Variants in DPP6 observed in about 807,000 individuals in gnomAD.
DPP6 encodes the protein dipeptidyl peptidase like 6, also known as A-type potassium channel modulatory protein DPP6.
In DPP6, 69 loss-of-function variants were observed where a neutral mutation model predicts 122.6. The observed-to-expected ratio is 0.56, with a 90% CI of 0.46 to 0.69. The LOEUF (loss-of-function observed/expected upper bound fraction) is 0.69, where lower values mean the gene tolerates loss of function less well. DPP6 is among the 30% of genes least tolerant of loss of function. The probability of loss-of-function intolerance (pLI) is 0.00; values close to 1 mark genes in which losing one functional copy is unlikely to be tolerated. For synonymous variants in DPP6, 418 were observed against 433.1 expected, an observed-to-expected ratio of 0.97 and a Z score of 0.43; for missense variants, 928 against 1,116.9, an observed-to-expected ratio of 0.83 and a Z score of 2.41.
At chr7:153,893,538 G>A (rs1799292139) in intron 1 of DPP6, among the ~76,000 whole-genome samples, 1 of 152,206 alleles carries the variant, frequency 6.6e-6, no homozygotes, top group African/African-American at 2.4e-5. Flanking sequence ...GAACGTTTAA[G>A]AACTCCTTCA....
chr7:154,012,695 T>A (rs1179775114), intron 1 of DPP6, among the ~76,000 whole-genome samples: 1 of 152,174 alleles, frequency 6.6e-6, no homozygotes, highest in Non-Finnish European at 1.5e-5. Context: ...CAGTTCACAA[T>A]GGCTGTTGTA....
At chr7:154,879,960 C>T (rs73487856) in intron 20 of DPP6, among the ~76,000 whole-genome samples, 3,111 of 152,340 alleles carry the variant, frequency 0.02, 96 homozygotes, top group African/African-American at 0.072. Flanking sequence ...GTTCATCTGA[C>T]TTTCATTTTC....
At chr7:154,798,454 C>T (rs943545492) in intron 12 of DPP6, among the ~76,000 whole-genome samples, 1 of 152,214 alleles carries the variant, frequency 6.6e-6, no homozygotes, top group Non-Finnish European at 1.5e-5. Flanking sequence ...TAAAATAATT[C>T]TTACTGTTTT....
the DPP6 span, among the ~76,000 whole-genome samples, chr7:153,833,206 G>A: frequency 0.014 from 2,203 of 152,246 alleles, 66 homozygotes; most frequent in African/African-American, 0.05. Context: ...CGCTGCAAAG[G>A]GGATTTTCCA....
chr7:153,949,325 C>T (rs1585076232), intron 1 of DPP6, among the ~76,000 whole-genome samples: 1 of 152,202 alleles, frequency 6.6e-6, no homozygotes. Flanking sequence ...AAGCTTCTTC[C>T]GTTAACAGAC....
intron 1 of DPP6, among the ~76,000 whole-genome samples, chr7:154,292,678 A>G (rs6960776): frequency 0.51 from 76,992 of 151,994 alleles, 20,998 homozygotes; most frequent in African/African-American, 0.73. Context: ...TCTTAAAAGG[A>G]AGAGAAATGC....
In DPP6 at chr7:154,063,641, T is replaced by C. The variant is rs866816327; in HGVS notation, c.243+10578T>C. On this transcript the variant is annotated intron_variant, in intron 1 of 25. Coordinates refer to ENST00000377770, the MANE Select transcript of DPP6 (RefSeq NM_130797.4). ...CCACGAGGCAGGGACTGAGAGCCAC[T>C]CCCTCTTCCCCCTCTGGCGCTTAGG... Among the ~76,000 whole-genome samples, 129 of 109,678 alleles carry C rather than the reference T, an allele frequency of 1.2e-3. 2 individuals are homozygous for C. Among genetic ancestry groups the C allele is most frequent in the Admixed American group, 1.6e-3 (18 of 11,000 alleles). 72.0% of individuals were successfully genotyped at this position (109,678 alleles called of 152,430 possible). A position where few individuals can be genotyped will look rare whatever the true frequency, so the allele number is the denominator to read the frequency against.
intron 8 of DPP6, among the ~76,000 whole-genome samples, chr7:154,737,820 T>C (rs1187538031): frequency 6.6e-6 from 1 of 152,198 alleles, no homozygotes; most frequent in Admixed American, 6.5e-5. Context: ...ATGGCACAGA[T>C]TTAAGAGCCC....
intron 3 of DPP6, among the ~76,000 whole-genome samples, chr7:154,509,167 A>G (rs1233942688): frequency 6.6e-6 from 1 of 152,200 alleles, no homozygotes; most frequent in Non-Finnish European, 1.5e-5. Context: ...TGTGTTTCAA[A>G]GGATACCATG....
At chr7:153,868,094 A>G in the DPP6 span, among the ~76,000 whole-genome samples, 3 of 152,014 alleles carry the variant, frequency 2.0e-5, no homozygotes, top group Admixed American at 6.6e-5. Context: ...TTCATCAAGG[A>G]TATTGGTCTA....
At chr7:153,934,977 C>T (rs1038174526) in intron 1 of DPP6, among the ~76,000 whole-genome samples, 4 of 152,188 alleles carry the variant, frequency 2.6e-5, no homozygotes, top group Non-Finnish European at 5.9e-5. Context: ...GCGGAGGGTC[C>T]GTCATAGCCC....
chr7:154,666,152 TATATC>T (rs1357681329), intron 6 of DPP6, among the ~76,000 whole-genome samples: 2 of 149,732 alleles, frequency 1.3e-5, no homozygotes, highest in African/African-American at 5.0e-5. Context: ...GATATATAAT[TATATC>T]ATACTATATA....
intron 1 of DPP6, among the ~76,000 whole-genome samples, chr7:154,147,103 A>C (rs1190408537): frequency 1.8e-4 from 27 of 152,258 alleles, no homozygotes; most frequent in African/African-American, 6.3e-4. Flanking sequence ...GAATCCACTA[A>C]AGGCCAGAAC....
At position 154,403,426 on chromosome 7, in the gene DPP6, G is replaced by C. The variant is rs2151191100; in HGVS notation, c.244-42788G>C. 6.6e-6 allele frequency among the ~76,000 whole-genome samples: 1 copy of C among 152,298 alleles called. No homozygotes were observed. The highest frequency in any genetic ancestry group is 1.9e-4 in the East Asian group (1 of 5,176). ...CCTCCTGGGTGTTGAAGAGTCCGAA[G>C]GATCCAGAATGGCAGAGAGGGGAAA... is the stretch of plus-strand genomic sequence containing the variant. On this transcript the variant is annotated intron_variant, in intron 1 of 25. Transcript: ENST00000377770. This position sits in a 1 kb window ranked among gnomAD's most constrained non-coding sequence, Gnocchi z 4.1.
At position 154,262,074 on chromosome 7, in the gene DPP6, G is replaced by A. The variant is rs554940533; in HGVS notation, c.244-184140G>A. 1.7e-4 allele frequency among the ~76,000 whole-genome samples: 26 copies of A among 152,158 alleles called. 1 individual carries two copies. Among genetic ancestry groups the A allele is most frequent in the African/African-American group, 5.3e-4 (22 of 41,522 alleles). On this transcript the variant is annotated intron_variant, in intron 1 of 25. Transcript: ENST00000377770. ...AGAAGAGAGCTGGATTCAGTGTTTT[G>A]AAGTTAAAGCCCACAGGGTGCACTA...
At chr7:154,472,227 G>T (rs374920399) in intron 2 of DPP6, among the ~76,000 whole-genome samples, 1 of 152,136 alleles carries the variant, frequency 6.6e-6, no homozygotes, top group Non-Finnish European at 1.5e-5. Context: ...TCCACAAGTG[G>T]ACATTTTTTC....
chr7:154,331,271 G>A (rs918335781), intron 1 of DPP6, among the ~76,000 whole-genome samples: 5 of 152,324 alleles, frequency 3.3e-5, no homozygotes, highest in South Asian at 2.1e-4. Context: ...TTCTCAGTAC[G>A]CAGGGACTGT....
the DPP6 span, among the ~76,000 whole-genome samples, chr7:153,858,135 C>G: frequency 6.6e-6 from 1 of 152,192 alleles, no homozygotes; most frequent in South Asian, 2.1e-4. Flanking sequence ...TCTTGTTTCT[C>G]TTTCCCCTTC....
intron 1 of DPP6, among the ~76,000 whole-genome samples, chr7:154,028,686 G>C (rs1360372289): frequency 6.6e-6 from 1 of 152,248 alleles, no homozygotes; most frequent in South Asian, 2.1e-4. Flanking sequence ...CTGCCCTGAA[G>C]AAGCTGATAG....
Sources: allele counts gnomAD v4.1 joint callset (sites outside exome capture counted in the v4.1 genomes callset), GRCh38; gene constraint gnomAD v4.1.1; non-coding constraint Gnocchi (gnomAD v3.1); transcripts MANE v1.5; gene names NCBI Gene and HGNC (gene_info 2026-07-23, HGNC 2026-07-21).